The following BORCS5 variants were observed in gnomAD, a reference collection of about 807,000 sequenced individuals.
The protein encoded by BORCS5 is BLOC-1-related complex subunit 5.
In BORCS5, 17 loss-of-function variants were observed where a neutral mutation model predicts 22.1. The observed-to-expected ratio is 0.77, with a 90% CI of 0.53 to 1.15. The LOEUF is 1.15. Among genes scored for constraint, BORCS5 ranks in the 50% most tolerant of loss-of-function variants. The probability of loss-of-function intolerance (pLI) is 0.00; values close to 1 mark genes in which losing one functional copy is unlikely to be tolerated. For missense variants in BORCS5, 247 were observed against 253.2 expected (o/e 0.98, Z 0.17); for synonymous variants, 117 against 99.8 (o/e 1.17, Z -1.03).
intron 2 of BORCS5, among the ~76,000 whole-genome samples, chr12:12,393,538 C>T (rs1487087307): frequency 3.3e-5 from 5 of 151,348 alleles, no homozygotes; most frequent in Non-Finnish European, 7.4e-5. Context: ...TTTGTTTTTT[C>T]AGATAGGGTC....
Position 12,449,301 on chromosome 12 carries a change from C to T in BORCS5, c.360+13516C>T, listed in dbSNP as rs184521639. On this transcript the variant is annotated intron_variant, in intron 3 of 3. Coordinates refer to ENST00000314565, the MANE Select transcript of BORCS5 (RefSeq NM_058169.6). ...TCTCAGATGTCTACGTGCCCTACAC[C>T]GCTGTCTTTCATGGGACCCGAGGAA... Among the ~76,000 whole-genome samples the T allele has an allele frequency of 1.5e-3, 236 of 152,294 alleles. 1 individual carries two copies. Among genetic ancestry groups the T allele is most frequent in the African/African-American group, 5.2e-3 (217 of 41,556 alleles).
intron 2 of BORCS5, among the ~76,000 whole-genome samples, chr12:12,419,064 C>CT (rs927241827): frequency 2.6e-5 from 4 of 151,868 alleles, no homozygotes; most frequent in Non-Finnish European, 5.9e-5. Context: ...AATTATTATA[C>CT]TTTAAGTTCT....
chr12:12,384,035 C>T (rs1181532999), intron 2 of BORCS5, among the ~76,000 whole-genome samples: 2 of 151,262 alleles, frequency 1.3e-5, no homozygotes, highest in Non-Finnish European at 3.0e-5. Context: ...TTCCTGCCAT[C>T]CCCAAATTGC....
intron 2 of BORCS5, among the ~76,000 whole-genome samples, chr12:12,373,981 CTTT>C (rs926893487): frequency 7.8e-5 from 7 of 89,792 alleles, no homozygotes; most frequent in African/African-American, 1.5e-4. Flanking sequence ...AGAGAGTATT[CTTT>C]TTTTTTTTTT....
At position 12,464,000 on chromosome 12, in the gene BORCS5, G is replaced by A. The variant is rs149798671; in HGVS notation, c.361-1546G>A. Among the ~76,000 whole-genome samples the A allele has an allele frequency of 7.0e-3, 1,070 of 152,218 alleles. 7 individuals carry two copies. Among genetic ancestry groups the A allele is most frequent in the African/African-American group, 0.011 (476 of 41,532 alleles). On this transcript the variant is annotated intron_variant, in intron 3 of 3. Coordinates refer to ENST00000314565, the MANE Select transcript of BORCS5 (RefSeq NM_058169.6). Reference sequence around the variant, plus strand: ...ATTCAGGATTCCACCTGGCTCCCACGAGCCCCGCTGTCTCTCAGGTGTGTG... The same window carrying A: ...ATTCAGGATTCCACCTGGCTCCCACAAGCCCCGCTGTCTCTCAGGTGTGTG...
chr12:12,357,322 T>G lies in BORCS5; in HGVS notation c.-130T>G, dbSNP rs1289512845. The G allele has an allele frequency of 5.4e-6, 8 of 1,473,906 alleles. No individual in the cohort carries two copies. The East Asian group carries it at 1.8e-4, about 32-fold the overall frequency. 91.3% of individuals were successfully genotyped at this position (1,473,906 alleles called of 1,614,324 possible). A position where few individuals can be genotyped will look rare whatever the true frequency, so the allele number is the denominator to read the frequency against. On this transcript the variant is annotated 5_prime_UTR_variant, in exon 1 of 4. Transcript: ENST00000314565. The stretch of plus-strand genomic sequence containing the variant: ...GGGCTGGACGCGTCAGCCCCACACA[T>G]TAGCCTCGCTGCGGCGCCCAGACTC...
At chr12:12,446,193 T>A (rs1942785419) in intron 3 of BORCS5, among the ~76,000 whole-genome samples, 1 of 149,730 alleles carries the variant, frequency 6.7e-6, no homozygotes, top group African/African-American at 2.4e-5. Context: ...CATTCCATTG[T>A]GGACACAGAC....
chr12:12,381,514 G>A (rs1442593403), intron 2 of BORCS5, among the ~76,000 whole-genome samples: 1 of 151,242 alleles, frequency 6.6e-6, no homozygotes, highest in Non-Finnish European at 1.5e-5. Context: ...ATAAATGTAA[G>A]GGTTTATTTC....
intron 2 of BORCS5, among the ~76,000 whole-genome samples, chr12:12,380,555 T>C (rs1159882643): frequency 6.6e-6 from 1 of 151,608 alleles, no homozygotes; most frequent in Non-Finnish European, 1.5e-5. Context: ...AGTTTTTGCC[T>C]GTTATGAATA....
chr12:12,358,123 G>A (rs1863188718), intron 1 of BORCS5, among the ~76,000 whole-genome samples: 1 of 152,158 alleles, frequency 6.6e-6, no homozygotes, highest in African/African-American at 2.4e-5. Context: ...GGATTATTGT[G>A]TTTGCAATAC....
chr12:12,462,483 C>T (rs1044890599), intron 3 of BORCS5, among the ~76,000 whole-genome samples: 2 of 152,092 alleles, frequency 1.3e-5, no homozygotes, highest in Non-Finnish European at 1.5e-5. Flanking sequence ...GCCCTTAAAC[C>T]TAGGTGGTCT....
At chr12:12,417,810 T>G (rs1942008277) in intron 2 of BORCS5, among the ~76,000 whole-genome samples, 1 of 151,842 alleles carries the variant, frequency 6.6e-6, no homozygotes, top group South Asian at 2.1e-4. Flanking sequence ...CCCAGTTAAT[T>G]TTTATATTTT....
At chr12:12,423,438 CTTT>C (rs939681383) in intron 2 of BORCS5, among the ~76,000 whole-genome samples, 13 of 57,250 alleles carry the variant, frequency 2.3e-4, no homozygotes, top group African/African-American at 6.4e-4. Flanking sequence ...ACTCCCTCAG[CTTT>C]TTTTTTTTTT....
At chr12:12,424,967 G>T (rs761345932) in intron 2 of BORCS5, among the ~76,000 whole-genome samples, 1 of 152,228 alleles carries the variant, frequency 6.6e-6, no homozygotes, top group Non-Finnish European at 1.5e-5. Flanking sequence ...TTCAGCGTGA[G>T]TGGGAAGACC....
At chr12:12,367,123 G>T (rs1167426716) in intron 2 of BORCS5, among the ~76,000 whole-genome samples, 1 of 152,184 alleles carries the variant, frequency 6.6e-6, no homozygotes, top group East Asian at 1.9e-4. Flanking sequence ...AGCAGTGAAA[G>T]CTTTCAAATC....
At chr12:12,361,948 AT>A (rs1209701333) in intron 2 of BORCS5, among the ~76,000 whole-genome samples, 1 of 152,154 alleles carries the variant, frequency 6.6e-6, no homozygotes, top group Admixed American at 6.6e-5. Context: ...CAACTTTATT[AT>A]TTTTGTATCT....
At chr12:12,461,124 A>G (rs1210065942) in intron 3 of BORCS5, among the ~76,000 whole-genome samples, 2 of 151,682 alleles carry the variant, frequency 1.3e-5, no homozygotes, top group African/African-American at 4.8e-5. Flanking sequence ...GCTTGAGTAA[A>G]TGATGAGTTC....
chr12:12,433,646 A>ATTTT (rs1942486317), intron 2 of BORCS5, among the ~76,000 whole-genome samples: 1 of 152,212 alleles, frequency 6.6e-6, no homozygotes, highest in Non-Finnish European at 1.5e-5. Context: ...TTCAATTAAA[A>ATTTT]AATTCCCAAT....
At chr12:12,407,233 A>T (rs1941614006) in intron 2 of BORCS5, among the ~76,000 whole-genome samples, 1 of 152,198 alleles carries the variant, frequency 6.6e-6, no homozygotes, top group Non-Finnish European at 1.5e-5. Context: ...TTATAGAAGA[A>T]TCCTTCATCC....
Sources: allele counts gnomAD v4.1 joint callset (sites outside exome capture counted in the v4.1 genomes callset), GRCh38; gene constraint gnomAD v4.1.1; transcripts MANE v1.5; gene names NCBI Gene and HGNC (gene_info 2026-07-23, HGNC 2026-07-21).